The following ANKRD11 variants were observed in gnomAD, a reference collection of about 807,000 sequenced individuals.
ANKRD11 encodes the protein ankyrin repeat domain 11, also known as ankyrin repeat domain-containing protein 11.
In ANKRD11, 17 loss-of-function variants were observed where a neutral mutation model predicts 195.7. That is an observed-to-expected ratio of 0.09 (90% CI 0.06 to 0.13). The LOEUF is 0.13. ANKRD11 is among the 10% of genes least tolerant of loss of function. The pLI is 1.00. For missense variants in ANKRD11, 3,735 were observed against 3,566.1 expected (o/e 1.05, Z -1.21); for synonymous variants, 1,953 against 1,528.1 (o/e 1.28, Z -6.49).
chr16:89,442,665 G>A (rs1035701631), intron 1 of ANKRD11, among the ~76,000 whole-genome samples: 1 of 152,204 alleles, frequency 6.6e-6, no homozygotes, highest in Non-Finnish European at 1.5e-5. Context: ...TCCCACAAAG[G>A]CCAGGTGCTG....
intron 2 of ANKRD11, among the ~76,000 whole-genome samples, chr16:89,377,866 C>G (rs1001406070): frequency 6.6e-6 from 1 of 152,070 alleles, no homozygotes; most frequent in Admixed American, 6.6e-5. Context: ...CTTCCACCCC[C>G]GCCCCATGAG....
chr16:89,346,949 C>G (rs767837038), intron 2 of ANKRD11, among the ~76,000 whole-genome samples: 1 of 152,146 alleles, frequency 6.6e-6, no homozygotes, highest in Non-Finnish European at 1.5e-5. Flanking sequence ...CTACACGACA[C>G]AATAGGAAAG....
chr16:89,368,908 A>T (rs915511889), intron 2 of ANKRD11, among the ~76,000 whole-genome samples: 2 of 152,146 alleles, frequency 1.3e-5, no homozygotes, highest in African/African-American at 4.8e-5. Context: ...CCAAAAATTT[A>T]AAAAATGGGC....
Position 89,284,766 on chromosome 16 carries a change from C to T in ANKRD11, c.1776G>A (p.Val592=). The change falls in exon 9 of 13, where the codon GTG becomes GTA. Residue 592 remains valine (V), a synonymous_variant. Transcript: ENST00000301030. ...GCTTCCTGTGCTCCTGCCTCTTCCT[C>T]ACTGGCTTCAGCGATTCCACACTGG... ...EGSSVESLKP[V]RKRQEHRKRA... 6.2e-7 allele frequency: 1 copy of T among 1,613,628 alleles called. No homozygotes were observed. The highest frequency in any genetic ancestry group is 8.5e-7 in the Non-Finnish European group (1 of 1,180,010).
chr16:89,373,236 G>C (rs980937490), intron 2 of ANKRD11: 10 of 152,248 alleles, frequency 6.6e-5, no homozygotes, highest in African/African-American at 1.7e-4. Flanking sequence ...TTTAATAGCT[G>C]AACTTGAACA....
At position 89,285,240 on chromosome 16, in the gene ANKRD11, C is replaced by T. The variant is rs761814582; in HGVS notation, c.1302G>A (p.Leu434=). ...EKLRLSAHTI[L]PGSKTREPSN... Reference sequence around the variant, plus strand: ...AAGGCTCTCGTGTCTTACTACCAGGCAATATCGTATGTGCCGAGAGTCTCA... The same window carrying T: ...AAGGCTCTCGTGTCTTACTACCAGGTAATATCGTATGTGCCGAGAGTCTCA... The change falls in exon 9 of 13, where the codon TTG becomes TTA. Residue 434 remains leucine (L), a synonymous_variant. Transcript: ENST00000301030. The surrounding 1 kb of genome is among the most constrained non-coding windows in gnomAD (Gnocchi z 5.6). 3.7e-6 allele frequency: 6 copies of T among 1,613,738 alleles called. No individual in the cohort carries two copies. In the Admixed American group the frequency reaches 5.0e-5, roughly 13 times the overall value.
chr16:89,363,152 G>C (rs774864062), intron 2 of ANKRD11, among the ~76,000 whole-genome samples: 5 of 152,062 alleles, frequency 3.3e-5, no homozygotes, highest in Non-Finnish European at 7.3e-5. Flanking sequence ...AAACAGCTGG[G>C]AACACGCCTA....
chr16:89,435,872 T>C (rs768235197), intron 1 of ANKRD11, among the ~76,000 whole-genome samples: 3 of 151,804 alleles, frequency 2.0e-5, no homozygotes, highest in Non-Finnish European at 4.4e-5. Flanking sequence ...AGGAAGCCTT[T>C]TTCACTTCAA....
At chr16:89,463,591 T>C (rs986719236) in intron 1 of ANKRD11, among the ~76,000 whole-genome samples, 16 of 152,096 alleles carry the variant, frequency 1.1e-4, no homozygotes, top group African/African-American at 2.4e-4. Context: ...ACTTGTTTAT[T>C]TGCTGACCTT....
At chr16:89,396,883 C>T (rs1191025789) in intron 2 of ANKRD11, among the ~76,000 whole-genome samples, 1 of 152,152 alleles carries the variant, frequency 6.6e-6, no homozygotes, top group Non-Finnish European at 1.5e-5. Flanking sequence ...GACGGGGTTT[C>T]ACCATGTTGG....
At position 89,302,973 on chromosome 16, in the gene ANKRD11, C is replaced by T. The variant is rs1484568300; in HGVS notation, c.226+2233G>A. On this transcript the variant is annotated intron_variant, in intron 4 of 12. Coordinates refer to ENST00000301030, the MANE Select transcript of ANKRD11 (RefSeq NM_013275.6). ...GCCAGCACGGCTGGCACCACGCAGG[C>T]GCTAACCATCAACAGACAGACCCCG... is the stretch of plus-strand genomic sequence containing the variant. 2.6e-5 allele frequency among the ~76,000 whole-genome samples: 4 copies of T among 152,130 alleles called. No homozygotes were observed. The South Asian group carries it at 6.2e-4, about 24-fold the overall frequency.
intron 1 of ANKRD11, among the ~76,000 whole-genome samples, chr16:89,438,663 G>T (rs577602179): frequency 1.3e-5 from 2 of 152,216 alleles, no homozygotes; most frequent in Non-Finnish European, 2.9e-5. Context: ...GACATACTGG[G>T]TCATGATGGA....
chr16:89,345,059 C>T (rs1236293355), intron 2 of ANKRD11, among the ~76,000 whole-genome samples: 7 of 152,158 alleles, frequency 4.6e-5, no homozygotes, highest in Non-Finnish European at 7.3e-5. Flanking sequence ...AAGCCCAGCT[C>T]GGATGGTTTC....
At chr16:89,466,210 G>GGC (rs1399823668) in intron 1 of ANKRD11, among the ~76,000 whole-genome samples, 1 of 151,906 alleles carries the variant, frequency 6.6e-6, no homozygotes, top group Non-Finnish European at 1.5e-5. Flanking sequence ...CCTGCTGACA[G>GGC]TTCAATTCTC....
rs71134220 is a variant in ANKRD11 at position 89,415,829 on chromosome 16, C to CAAAAAAAAAAAAAAA, written c.-60+2440_-60+2454dup. Among the ~76,000 whole-genome samples, 297 of 39,676 alleles carry CAAAAAAAAAAAAAAA rather than the reference C, an allele frequency of 7.5e-3. 20 individuals are homozygous for CAAAAAAAAAAAAAAA. Among genetic ancestry groups the CAAAAAAAAAAAAAAA allele is most frequent in the East Asian group, 0.017 (19 of 1,110 alleles). The allele number at this position is 39,676 out of a possible 152,430, so 26.0% of individuals were successfully genotyped here. A position where few individuals can be genotyped will look rare whatever the true frequency, so the allele number is the denominator to read the frequency against. ...TGCACAACAAAGCTAGACTCTGTCTCAAAAAAAAAAAAAAAAAAAAACAAT... is the reference window on the plus strand; with the variant it reads ...TGCACAACAAAGCTAGACTCTGTCTCAAAAAAAAAAAAAAAAAAAAAAAAAAAAAAAAAAAACAAT... On this transcript the variant is annotated intron_variant, in intron 2 of 12. Transcript: ENST00000301030.
intron 3 of ANKRD11, among the ~76,000 whole-genome samples, chr16:89,310,495 G>C (rs1050181565): frequency 6.6e-6 from 1 of 152,188 alleles, no homozygotes; most frequent in African/African-American, 2.4e-5. Flanking sequence ...CAGGGATTTT[G>C]GCTGGCATTA....
rs1597358766 is a variant in ANKRD11 at position 89,422,927 on chromosome 16, A to G, written c.-144-4559T>C. Among the ~76,000 whole-genome samples the G allele has an allele frequency of 1.3e-5, 2 of 151,226 alleles. 1 individual carries two copies. Among genetic ancestry groups the G allele is most frequent in the South Asian group, 4.2e-4 (2 of 4,766 alleles). On this transcript the variant is annotated intron_variant, in intron 1 of 12. Transcript: ENST00000301030. ...AGCACATCAATAATCACTTTTTTCA[A>G]TCAGGAGATCTACAACTGCTTGCTA... is the stretch of plus-strand genomic sequence containing the variant.
intron 2 of ANKRD11, among the ~76,000 whole-genome samples, chr16:89,378,679 A>C (rs2040521279): frequency 6.6e-6 from 1 of 152,188 alleles, no homozygotes; most frequent in Non-Finnish European, 1.5e-5. Context: ...TCCTGGGTTC[A>C]AGCAATTCTC....
intron 2 of ANKRD11, among the ~76,000 whole-genome samples, chr16:89,383,030 G>T (rs1387073652): frequency 6.6e-6 from 1 of 152,172 alleles, no homozygotes; most frequent in East Asian, 1.9e-4. Flanking sequence ...TTTAATAAAG[G>T]TAGTTATTCA....
Sources: gnomAD v4.1 joint callset for allele counts (sites outside exome capture counted in the v4.1 genomes callset) on GRCh38, gnomAD v4.1.1 for gene constraint, Gnocchi (gnomAD v3.1) non-coding constraint, MANE v1.5 for transcripts, NCBI Gene and HGNC (gene_info 2026-07-23, HGNC 2026-07-21) for gene names.